Variants in IRAG2 observed in about 807,000 individuals in gnomAD.
IRAG2 encodes lymphoid restricted membrane protein.
Under a neutral mutation model 69.9 loss-of-function variants are expected in IRAG2, and 45 were observed. That is an observed-to-expected ratio of 0.64 (90% CI 0.51 to 0.83). IRAG2 has a LOEUF of 0.83. Ranked by LOEUF, IRAG2 falls within the 40% of genes least tolerant of loss-of-function variation. The pLI is 0.00. For missense variants in IRAG2, 520 were observed against 587.0 expected (o/e 0.89, Z 1.18); for synonymous variants, 193 against 202.4 (o/e 0.95, Z 0.40).
intron 16 of IRAG2, among the ~76,000 whole-genome samples, chr12:25,041,909 T>C (rs1381988638): frequency 6.6e-6 from 1 of 151,796 alleles, no homozygotes; most frequent in Non-Finnish European, 1.5e-5. Context: ...TAGAGTGCAT[T>C]ACATATAGTA....
At chr12:25,047,641 G>C (rs938242212), upstream of IRAG2, among the ~76,000 whole-genome samples, 2 of 152,002 alleles carry the variant, frequency 1.3e-5, no homozygotes, top group African/African-American at 4.8e-5. Context: ...CTTCCAGTGT[G>C]TGGTGTTCCC....
intron 19 of IRAG2, 59 bp downstream of exon 19, chr12:25,104,117 C>A: frequency 7.2e-7 from 1 of 1,391,730 alleles, no homozygotes; most frequent in Non-Finnish European, 1.0e-6. Flanking sequence ...TTGGGCTAAC[C>A]TAAATGAGTG....
chr12:25,013,074 G>C (rs1468987682), intron 3 of IRAG2, among the ~76,000 whole-genome samples: 1 of 152,208 alleles, frequency 6.6e-6, no homozygotes, highest in Non-Finnish European at 1.5e-5. Context: ...CCATGTGGTG[G>C]ACTGTGAAAA....
At chr12:25,064,017 C>T (rs1945804401) in intron 4 of IRAG2, among the ~76,000 whole-genome samples, 1 of 152,126 alleles carries the variant, frequency 6.6e-6, no homozygotes, top group Non-Finnish European at 1.5e-5. Context: ...AGAATAAGTC[C>T]TGGCCAGGCA....
At chr12:25,105,190 G>T in intron 20 of IRAG2, among the ~76,000 whole-genome samples, 1 of 150,534 alleles carries the variant, frequency 6.6e-6, no homozygotes, top group South Asian at 2.1e-4. Context: ...CATTCTCCTG[G>T]CTCAGCCTCC....
chr12:25,002,359 T>C (rs1427641523), upstream of IRAG2, among the ~76,000 whole-genome samples: 1 of 152,216 alleles, frequency 6.6e-6, no homozygotes, highest in African/African-American at 2.4e-5. Flanking sequence ...TTGTAGATTA[T>C]CAGTTGTGCC....
At chr12:25,104,679 A>G (rs1407601156) in intron 20 of IRAG2, among the ~76,000 whole-genome samples, 3 of 152,186 alleles carry the variant, frequency 2.0e-5, no homozygotes, top group East Asian at 3.8e-4. Context: ...TTGAGGTCTT[A>G]AGTTAGAAAA....
At chr12:25,068,307 G>C (rs1229693256) in intron 5 of IRAG2, among the ~76,000 whole-genome samples, 1 of 152,214 alleles carries the variant, frequency 6.6e-6, no homozygotes, top group Non-Finnish European at 1.5e-5. Flanking sequence ...TGAACAGCCA[G>C]ATGAAGAGAT....
intron 16 of IRAG2, among the ~76,000 whole-genome samples, chr12:25,045,848 T>TAAAAAAAAAAAAAAA (rs71063392): frequency 7.6e-6 from 1 of 131,568 alleles, no homozygotes; most frequent in African/African-American, 2.8e-5. Context: ...AAATAAAAGA[T>TAAAAAAAAAAAAAAA]AAAAAAAAAA....
intron 1 of IRAG2, among the ~76,000 whole-genome samples, chr12:25,054,915 G>C (rs535481550): frequency 6.6e-6 from 1 of 152,192 alleles, no homozygotes; most frequent in Non-Finnish European, 1.5e-5. Flanking sequence ...AATGACTGCA[G>C]TTATCACACA....
Position 25,054,148 on chromosome 12 carries a change from C to T in IRAG2, c.-447+1192C>T, listed in dbSNP as rs1945066184. ...CATATTATTGTCATAATTTTTAAAC[C>T]TTTATTGAATTTGCCAGTTTTCAAT... On this transcript the variant is annotated intron_variant, in intron 1 of 21. Transcript: ENST00000556887. Among the ~76,000 whole-genome samples, 4 of 152,206 alleles carry T rather than the reference C, an allele frequency of 2.6e-5. No individual in the cohort carries two copies. The South Asian group carries it at 8.3e-4, about 32-fold the overall frequency.
chr12:25,082,696 A>G (rs928610137), intron 9 of IRAG2, among the ~76,000 whole-genome samples: 6 of 152,200 alleles, frequency 3.9e-5, no homozygotes, highest in African/African-American at 1.4e-4. Flanking sequence ...CTGTGAAGAA[A>G]TTGCTTACCA....
At chr12:25,077,372 AAT>A (rs67988999) in intron 6 of IRAG2, among the ~76,000 whole-genome samples, 1,340 of 32,624 alleles carry the variant, frequency 0.041, 89 homozygotes, top group Non-Finnish European at 0.053. Flanking sequence ...ATATATATGA[AAT>A]ATATATATGA....
At chr12:25,077,133 T>A (rs1452294156) in intron 6 of IRAG2, among the ~76,000 whole-genome samples, 1 of 138,464 alleles carries the variant, frequency 7.2e-6, no homozygotes, top group African/African-American at 2.7e-5. Flanking sequence ...CCTTCCAAAG[T>A]GTTGAGATTG....
intron 10 of IRAG2, among the ~76,000 whole-genome samples, chr12:25,083,765 T>C (rs1947380572): frequency 6.6e-6 from 1 of 152,228 alleles, no homozygotes; most frequent in African/African-American, 2.4e-5. Flanking sequence ...CATTTATTCA[T>C]CAAAAGTCAA....
intron 15 of IRAG2, 77 bp downstream of exon 15, chr12:25,097,121 C>A: frequency 2.1e-6 from 3 of 1,407,372 alleles, no homozygotes; most frequent in South Asian, 1.5e-5. Context: ...GGATTTCTCA[C>A]TTCTAGGAAT....
intron 6 of IRAG2, among the ~76,000 whole-genome samples, chr12:25,018,143 C>T (rs533148765): frequency 6.6e-6 from 1 of 150,824 alleles, no homozygotes; most frequent in South Asian, 2.1e-4. Context: ...ATAATGCTGC[C>T]ATGAACATTT....
chr12:25,006,885 C>G (rs1334466698), intron 2 of IRAG2, among the ~76,000 whole-genome samples: 1 of 151,972 alleles, frequency 6.6e-6, no homozygotes, highest in Non-Finnish European at 1.5e-5. Flanking sequence ...AAAAATTCCA[C>G]AAGTAATTTT....
chr12:25,038,750 C>A (rs34076340), intron 16 of IRAG2, among the ~76,000 whole-genome samples: 16,304 of 152,064 alleles, frequency 0.11, 1,221 homozygotes, highest in Middle Eastern at 0.17. Flanking sequence ...CCTTAGAGAG[C>A]CTCTAGTAAC....
Sources: allele counts gnomAD v4.1 joint callset (sites outside exome capture counted in the v4.1 genomes callset), GRCh38; gene constraint gnomAD v4.1.1; transcripts MANE v1.5; gene names NCBI Gene and HGNC (gene_info 2026-07-23, HGNC 2026-07-21).